Variants in PACRG observed in about 807,000 individuals in gnomAD.
PACRG encodes the protein parkin coregulated gene protein.
PACRG carries 29 observed loss-of-function variants against 29.7 expected under a neutral mutation model. The ratio of observed to expected loss-of-function variants is 0.98; its 90% CI spans 0.73 to 1.33. The LOEUF (loss-of-function observed/expected upper bound fraction) is 1.33, where lower values mean the gene tolerates loss of function less well. Ranked by LOEUF, PACRG falls within the 40% of genes most tolerant of loss-of-function variation. The probability of loss-of-function intolerance (pLI) is 0.00; values close to 1 mark genes in which losing one functional copy is unlikely to be tolerated. For synonymous variants in PACRG, 116 were observed against 118.7 expected (o/e 0.98, Z 0.15); for missense variants, 279 against 316.2 (o/e 0.88, Z 0.89).
At chr6:163,042,947 A>G (rs757502348) in intron 2 of PACRG, 2 of 152,232 alleles carry the variant, frequency 1.3e-5, no homozygotes, top group Non-Finnish European at 2.9e-5. Context: ...GAAGTACATT[A>G]TTGTAATACA....
chr6:162,759,162 T>C (rs1782157962), intron 1 of PACRG, among the ~76,000 whole-genome samples: 1 of 152,240 alleles, frequency 6.6e-6, no homozygotes, highest in South Asian at 2.1e-4. Flanking sequence ...TGTTTTCCAC[T>C]ATTTACAATT....
At chr6:163,154,971 GA>G (rs35717831) in intron 4 of PACRG, among the ~76,000 whole-genome samples, 37 of 146,070 alleles carry the variant, frequency 2.5e-4, no homozygotes, top group African/African-American at 5.8e-4. Context: ...ATTAAATGTG[GA>G]AAAAAAAAAA....
At chr6:163,284,381 C>T (rs1784322869) in intron 4 of PACRG, among the ~76,000 whole-genome samples, 1 of 152,188 alleles carries the variant, frequency 6.6e-6, no homozygotes, top group African/African-American at 2.4e-5. Flanking sequence ...GGTATCACTG[C>T]CCTCTGGCCC....
chr6:162,846,520 C>G (rs1790392447), intron 2 of PACRG, among the ~76,000 whole-genome samples: 1 of 152,134 alleles, frequency 6.6e-6, no homozygotes, highest in African/African-American at 2.4e-5. Flanking sequence ...ATCACCAGGC[C>G]AAATGAATTT....
intron 2 of PACRG, among the ~76,000 whole-genome samples, chr6:162,815,191 A>T (rs1445169757): frequency 6.6e-6 from 1 of 152,150 alleles, no homozygotes; most frequent in Non-Finnish European, 1.5e-5. Flanking sequence ...TTGGCCAACT[A>T]TTAGTTAAAT....
chr6:163,267,332 T>C (rs1180221080), intron 4 of PACRG, among the ~76,000 whole-genome samples: 1 of 152,212 alleles, frequency 6.6e-6, no homozygotes, highest in African/African-American at 2.4e-5. Flanking sequence ...AAGAAACTAT[T>C]GAATGCCTAC....
At chr6:163,083,377 C>T (rs1379472106) in intron 3 of PACRG, among the ~76,000 whole-genome samples, 1 of 152,160 alleles carries the variant, frequency 6.6e-6, no homozygotes, top group African/African-American at 2.4e-5. Flanking sequence ...TCCAGTCTTC[C>T]TGCTTTTGCT....
chr6:162,946,766 A>C (rs1185953536), intron 2 of PACRG, among the ~76,000 whole-genome samples: 1 of 152,184 alleles, frequency 6.6e-6, no homozygotes, highest in East Asian at 1.9e-4. Flanking sequence ...GCATATCAAA[A>C]AGATAATATA....
chr6:163,211,994 A>G (rs907562431), intron 4 of PACRG, among the ~76,000 whole-genome samples: 1 of 152,146 alleles, frequency 6.6e-6, no homozygotes, highest in African/African-American at 2.4e-5. Flanking sequence ...TGTGGTTGGG[A>G]AGCACTGCCA....
intron 1 of PACRG, among the ~76,000 whole-genome samples, chr6:162,800,199 A>G (rs1221653850): frequency 1.3e-5 from 2 of 152,222 alleles, no homozygotes; most frequent in Non-Finnish European, 2.9e-5. Context: ...CTGCAAGAAG[A>G]AGGCAGCTTT....
rs139122088 is a variant in PACRG at position 162,772,234 on chromosome 6, A to G, written c.157-41913A>G. ...TCATTAGCACCACTAAAATAATAGA[A>G]ATTATTTTTAAAAAGCATACATCTA... is the stretch of plus-strand genomic sequence containing the variant. On this transcript the variant is annotated intron_variant, in intron 1 of 4. Coordinates refer to ENST00000366888, the MANE Select transcript of PACRG (RefSeq NM_001080379.2). 2.6e-3 allele frequency among the ~76,000 whole-genome samples: 393 copies of G among 152,256 alleles called. 2 individuals are homozygous for G. Among genetic ancestry groups the G allele is most frequent in the Non-Finnish European group, 3.0e-3 (204 of 68,026 alleles).
chr6:163,259,810 G>C (rs962189342), intron 4 of PACRG, among the ~76,000 whole-genome samples: 1 of 152,134 alleles, frequency 6.6e-6, no homozygotes, highest in Non-Finnish European at 1.5e-5. Context: ...CTGGGTCTCA[G>C]GGTTGATCGC....
chr6:162,934,978 G>GT (rs1250125894), intron 2 of PACRG, among the ~76,000 whole-genome samples: 11 of 152,090 alleles, frequency 7.2e-5, no homozygotes, highest in African/African-American at 2.7e-4. Context: ...GATAGTTGTT[G>GT]TTTTTTCTTT....
intron 4 of PACRG, among the ~76,000 whole-genome samples, chr6:163,201,626 G>A (rs1022611): frequency 0.37 from 57,014 of 152,038 alleles, 11,379 homozygotes; most frequent in African/African-American, 0.5. Context: ...GGTGTCTGGG[G>A]AGGCAGAAAG....
intron 4 of PACRG, among the ~76,000 whole-genome samples, chr6:163,277,186 G>A (rs1784059533): frequency 6.6e-6 from 1 of 151,960 alleles, no homozygotes; most frequent in South Asian, 2.1e-4. Flanking sequence ...TGATTTCTGA[G>A]ATTTTGGTGC....
intron 4 of PACRG, among the ~76,000 whole-genome samples, chr6:163,231,282 G>A (rs1291473508): frequency 6.6e-6 from 1 of 152,178 alleles, no homozygotes; most frequent in Non-Finnish European, 1.5e-5. Context: ...TATGTCCTGT[G>A]ACCCACTCAC....
chr6:163,234,604 A>G (rs1782164051), intron 4 of PACRG, among the ~76,000 whole-genome samples: 1 of 152,162 alleles, frequency 6.6e-6, no homozygotes. Context: ...TAAAACACCT[A>G]CATTTAAGGG....
chr6:163,162,142 C>T (rs1778581635), intron 4 of PACRG, among the ~76,000 whole-genome samples: 1 of 152,152 alleles, frequency 6.6e-6, no homozygotes. Context: ...CTGAAAGTAA[C>T]CCGCCAGCTG....
chr6:163,215,833 C>T (rs1436179528), intron 4 of PACRG, among the ~76,000 whole-genome samples: 1 of 152,188 alleles, frequency 6.6e-6, no homozygotes, highest in Non-Finnish European at 1.5e-5. Context: ...TCTCCCAATG[C>T]TTCAGAAAGG....
Sources: gnomAD v4.1 joint callset for allele counts (sites outside exome capture counted in the v4.1 genomes callset) on GRCh38, gnomAD v4.1.1 for gene constraint, MANE v1.5 for transcripts, NCBI Gene and HGNC (gene_info 2026-07-23, HGNC 2026-07-21) for gene names.